The following RBFOX1 variants were observed in gnomAD, a reference collection of about 807,000 sequenced individuals.
RBFOX1 encodes RNA binding fox-1 homolog 1, also known as RNA binding protein fox-1 homolog 1.
A neutral mutation model predicts 57.7 loss-of-function variants in RBFOX1; 8 were observed. That is an observed-to-expected ratio of 0.14 (90% CI 0.08 to 0.25). The LOEUF (loss-of-function observed/expected upper bound fraction) is 0.25, where lower values mean the gene tolerates loss of function less well. RBFOX1 is among the 10% of genes least tolerant of loss of function. RBFOX1 has a pLI of 1.00. For synonymous variants in RBFOX1, 326 were observed against 222.4 expected (o/e 1.47, Z -4.15); for missense variants, 611 against 548.5 (o/e 1.11, Z -1.14).
At chr16:7,639,081 G>A (rs569008190) in intron 11 of RBFOX1, among the ~76,000 whole-genome samples, 1 of 152,094 alleles carries the variant, frequency 6.6e-6, no homozygotes, top group Non-Finnish European at 1.5e-5. Context: ...AAATGATCTT[G>A]ACTTAAATTT....
chr16:6,977,247 C>G (rs1199509789), intron 3 of RBFOX1, among the ~76,000 whole-genome samples: 3 of 149,386 alleles, frequency 2.0e-5, no homozygotes, highest in African/African-American at 7.4e-5. Context: ...TTAAAAAGAT[C>G]TTGGGCAGAT....
intron 4 of RBFOX1, among the ~76,000 whole-genome samples, chr16:7,373,134 G>T (rs114443075): frequency 3.9e-5 from 6 of 152,020 alleles, no homozygotes; most frequent in African/African-American, 1.4e-4. Flanking sequence ...GTGTTTCACC[G>T]TGTTAGCCAG....
chr16:7,082,532 C>A (rs1320777068), intron 4 of RBFOX1, among the ~76,000 whole-genome samples: 1 of 149,732 alleles, frequency 6.7e-6, no homozygotes, highest in Non-Finnish European at 1.5e-5. Context: ...ATCAAACCTC[C>A]ACCTGGGTGA....
At chr16:5,755,562 T>A (rs1195496310) in intron 3 of RBFOX1, among the ~76,000 whole-genome samples, 1 of 152,176 alleles carries the variant, frequency 6.6e-6, no homozygotes, top group African/African-American at 2.4e-5. Context: ...CCCATGGGCA[T>A]CTATTTGATC....
At chr16:6,423,726 G>T (rs890663422) in intron 2 of RBFOX1, among the ~76,000 whole-genome samples, 1 of 152,162 alleles carries the variant, frequency 6.6e-6, no homozygotes, top group African/African-American at 2.4e-5. Flanking sequence ...CCCAGAGGAC[G>T]TGGGGAGGTG....
intron 3 of RBFOX1, among the ~76,000 whole-genome samples, chr16:6,924,901 T>C (rs1264239941): frequency 2.1e-5 from 3 of 140,428 alleles, no homozygotes; most frequent in African/African-American, 7.8e-5. Flanking sequence ...TGTGTTCTCA[T>C]TGTTCAATTC....
chr16:5,515,139 T>A (rs2043743930), intron 2 of RBFOX1, among the ~76,000 whole-genome samples: 1 of 152,230 alleles, frequency 6.6e-6, no homozygotes, highest in Non-Finnish European at 1.5e-5. Context: ...TCGGCCCCCA[T>A]GACCCAAACA....
At chr16:5,710,873 A>G (rs2051462091) in intron 3 of RBFOX1, among the ~76,000 whole-genome samples, 1 of 152,198 alleles carries the variant, frequency 6.6e-6, no homozygotes. Context: ...CCAGAAAGGG[A>G]TGACGGGTCC....
rs1358159710 is a variant in RBFOX1 at position 5,557,270 on chromosome 16, T to TAAAC, written c.259-41629_259-41628insCAAA. Among the ~76,000 whole-genome samples, 352 of 127,750 alleles carry TAAAC rather than the reference T, an allele frequency of 2.8e-3. 2 individuals carry two copies. The highest frequency in any genetic ancestry group is 0.012 in the East Asian group (47 of 4,064). 83.8% of individuals were successfully genotyped at this position (127,750 alleles called of 152,430 possible). On this transcript the variant is annotated intron_variant, in intron 2 of 2. Transcript: ENST00000585867. ...GTGAGACTCCATCTCAATAAATAAA[T>TAAAC]AAATAAATAAATAAATAAATAAATA... is the stretch of plus-strand genomic sequence containing the variant.
intron 4 of RBFOX1, among the ~76,000 whole-genome samples, chr16:7,329,050 A>G (rs548097009): frequency 5.3e-5 from 8 of 152,312 alleles, no homozygotes; most frequent in South Asian, 2.1e-4. Flanking sequence ...CATGGCCACA[A>G]TCCTTCTTTG....
At chr16:5,781,729 C>G (rs1410132229) in intron 3 of RBFOX1, among the ~76,000 whole-genome samples, 3 of 152,182 alleles carry the variant, frequency 2.0e-5, no homozygotes, top group African/African-American at 4.8e-5. Context: ...TTGAAAGCCC[C>G]CTTTTCTAGG....
At chr16:6,714,507 A>G (rs536708981) in intron 3 of RBFOX1, among the ~76,000 whole-genome samples, 1 of 152,176 alleles carries the variant, frequency 6.6e-6, no homozygotes, top group East Asian at 1.9e-4. Context: ...TATCCTACCC[A>G]AGGGCAGGGG....
intron 1 of RBFOX1, among the ~76,000 whole-genome samples, chr16:5,350,113 A>T (rs1157100146): frequency 2.0e-5 from 3 of 152,188 alleles, no homozygotes; most frequent in East Asian, 1.9e-4. Context: ...AAGAAAAATA[A>T]TTTTTTCAGG....
intron 3 of RBFOX1, among the ~76,000 whole-genome samples, chr16:6,755,370 T>C (rs986343634): frequency 6.6e-6 from 1 of 152,138 alleles, no homozygotes; most frequent in Non-Finnish European, 1.5e-5. Context: ...ACCTGTTGTT[T>C]CCTGACTTTT....
chr16:6,960,698 G>A (rs1039635571), intron 3 of RBFOX1, among the ~76,000 whole-genome samples: 1 of 151,888 alleles, frequency 6.6e-6, no homozygotes, highest in Non-Finnish European at 1.5e-5. Context: ...TGTCTCTGAC[G>A]GGCCCACTCT....
At chr16:7,230,280 C>T (rs1026272047) in intron 4 of RBFOX1, among the ~76,000 whole-genome samples, 2 of 152,022 alleles carry the variant, frequency 1.3e-5, no homozygotes, top group African/African-American at 4.8e-5. Flanking sequence ...CAGAAAGTAC[C>T]TGCCGTCGTT....
intron 2 of RBFOX1, among the ~76,000 whole-genome samples, chr16:6,563,474 C>T (rs890500619): frequency 2.6e-5 from 4 of 152,010 alleles, no homozygotes; most frequent in Non-Finnish European, 5.9e-5. Flanking sequence ...TTGGTGCATC[C>T]CTAGAGCCCA....
intron 3 of RBFOX1, among the ~76,000 whole-genome samples, chr16:5,708,517 CTT>C (rs1340322165): frequency 2.0e-5 from 3 of 152,148 alleles, no homozygotes; most frequent in Non-Finnish European, 4.4e-5. Flanking sequence ...TCTTCCATCT[CTT>C]TGATTTTTTG....
At chr16:6,536,485 G>A (rs894616535) in intron 2 of RBFOX1, among the ~76,000 whole-genome samples, 5 of 152,040 alleles carry the variant, frequency 3.3e-5, no homozygotes, top group Non-Finnish European at 7.4e-5. Flanking sequence ...TATCATCAGA[G>A]TAATGTGGCT....
Sources: gnomAD v4.1 joint callset for allele counts (sites outside exome capture counted in the v4.1 genomes callset) on GRCh38, gnomAD v4.1.1 for gene constraint, MANE v1.5 for transcripts, NCBI Gene and HGNC (gene_info 2026-07-23, HGNC 2026-07-21) for gene names.